Variants in KCNN2 observed in about 807,000 individuals in gnomAD.
KCNN2 encodes the protein potassium calcium-activated channel subfamily N member 2.
A neutral mutation model predicts 55.5 loss-of-function variants in KCNN2; 24 were observed. The observed-to-expected ratio is 0.43, with a 90% CI of 0.31 to 0.61. The LOEUF is 0.61. Among genes scored for constraint, KCNN2 ranks in the 20% least tolerant of loss-of-function variants. KCNN2 has a pLI of 0.08. For missense variants in KCNN2, 754 were observed against 853.6 expected (o/e 0.88, Z 1.45); for synonymous variants, 431 against 336.1 (o/e 1.28, Z -3.09).
intron 3 of KCNN2, among the ~76,000 whole-genome samples, chr5:114,408,139 C>T (rs954258185): frequency 6.6e-6 from 1 of 151,692 alleles, no homozygotes; most frequent in Admixed American, 6.6e-5. Flanking sequence ...ACCACTGTTG[C>T]CACAGAATTC....
chr5:114,168,379 CT>C (rs1752963151), intron 1 of KCNN2, among the ~76,000 whole-genome samples: 1 of 151,982 alleles, frequency 6.6e-6, no homozygotes, highest in Non-Finnish European at 1.5e-5. Context: ...CTAAAAGACG[CT>C]ACTTTATCTC....
At chr5:114,096,039 C>T (rs1751248981) in intron 1 of KCNN2, among the ~76,000 whole-genome samples, 2 of 152,070 alleles carry the variant, frequency 1.3e-5, no homozygotes, top group Admixed American at 6.6e-5. Context: ...ACCTTGAAGT[C>T]CCCTGGGGAC....
At chr5:114,494,330 A>G (rs1173086446) in intron 7 of KCNN2, among the ~76,000 whole-genome samples, 1 of 151,130 alleles carries the variant, frequency 6.6e-6, no homozygotes, top group Non-Finnish European at 1.5e-5. Flanking sequence ...AATTACAAGT[A>G]TTTGTCCTAG....
At chr5:114,466,667 C>A (rs79794196) in intron 4 of KCNN2, among the ~76,000 whole-genome samples, 438 of 151,790 alleles carry the variant, frequency 2.9e-3, no homozygotes, top group Non-Finnish European at 4.5e-3. Flanking sequence ...CTCTTGGTGG[C>A]CTTTTGACTA....
At position 114,362,147 on chromosome 5, in the gene KCNN2, C is replaced by T. The variant is rs997446476; in HGVS notation, c.8C>T (p.Thr3Ile). 1 of 166,902 alleles carries T rather than the reference C, an allele frequency of 6.0e-6. No individual in the cohort carries two copies. Among genetic ancestry groups the T allele is most frequent in the African/African-American group, 2.4e-5 (1 of 41,576 alleles). 10.3% of individuals were successfully genotyped at this position (166,902 alleles called of 1,614,324 possible). A position where few individuals can be genotyped will look rare whatever the true frequency, so the allele number is the denominator to read the frequency against. Reference protein sequence around the residue: METPLQFQRGFFP... With the variant: MEIPLQFQRGFFP... ...AGCTTTAACAGCCCTGACATGGAAACCCCATTGCAGTTCCAGCGCGGCTTC... is the reference window on the plus strand; with the variant it reads ...AGCTTTAACAGCCCTGACATGGAAATCCCATTGCAGTTCCAGCGCGGCTTC... The change falls in exon 1 of 8, where the codon ACC (threonine) becomes ATC (isoleucine). Residue 3 changes from threonine (T) to isoleucine (I), a missense_variant. Physicochemically the swap from Thr to Ile is moderately conservative, Grantham distance 89. This residue lies in a region of KCNN2 where 381 missense variants were observed against 259.1 expected (regional missense o/e 1.47). Coordinates refer to ENST00000673685, the MANE Select transcript of KCNN2 (RefSeq NM_021614.4).
intron 1 of KCNN2, among the ~76,000 whole-genome samples, chr5:114,187,271 A>G (rs1269352149): frequency 6.6e-6 from 1 of 152,020 alleles, no homozygotes; most frequent in Non-Finnish European, 1.5e-5. Context: ...AGTTAAAACT[A>G]GACGGAAAAA....
chr5:114,343,863 G>A (rs921959027), intron 2 of KCNN2, among the ~76,000 whole-genome samples: 2 of 152,172 alleles, frequency 1.3e-5, no homozygotes, highest in African/African-American at 4.8e-5. Context: ...TGTCTGATGG[G>A]CAGGGATGCC....
intron 2 of KCNN2, among the ~76,000 whole-genome samples, chr5:114,227,982 TGATGATGATGAC>T (rs1754272940): frequency 6.8e-6 from 1 of 146,462 alleles, no homozygotes; most frequent in Admixed American, 6.9e-5. Flanking sequence ...AAACAATGAT[TGATGATGATGAC>T]GATGATGATG....
intron 2 of KCNN2, among the ~76,000 whole-genome samples, chr5:114,349,493 A>AATTATGTG (rs1264829608): frequency 3.3e-5 from 5 of 152,070 alleles, no homozygotes; most frequent in African/African-American, 1.2e-4. Context: ...AACAAAAATG[A>AATTATGTG]ATTATGTGTT....
intron 1 of KCNN2, among the ~76,000 whole-genome samples, chr5:114,091,313 A>G (rs1751139538): frequency 6.6e-6 from 1 of 152,112 alleles, no homozygotes; most frequent in Admixed American, 6.6e-5. Flanking sequence ...GCACTTTCCT[A>G]CTGAAATCAA....
At chr5:114,408,714 A>C (rs767581271) in intron 3 of KCNN2, among the ~76,000 whole-genome samples, 1 of 152,228 alleles carries the variant, frequency 6.6e-6, no homozygotes, top group African/African-American at 2.4e-5. Flanking sequence ...TCTCTAGTGC[A>C]TCTGCTTCCA....
chr5:114,315,465 G>A (rs56405140), intron 2 of KCNN2, among the ~76,000 whole-genome samples: 21,364 of 67,718 alleles, frequency 0.32, 1,778 homozygotes, highest in African/African-American at 0.42. Context: ...GTGTGTGTGT[G>A]TATATATATA....
chr5:114,343,121 A>G (rs1040079601), intron 2 of KCNN2, among the ~76,000 whole-genome samples: 11 of 152,214 alleles, frequency 7.2e-5, no homozygotes, highest in African/African-American at 1.9e-4. Flanking sequence ...ATCAAATTCA[A>G]TAAGCCTTTA....
At chr5:114,475,913 A>G (rs1353827950) in intron 5 of KCNN2, among the ~76,000 whole-genome samples, 1 of 152,170 alleles carries the variant, frequency 6.6e-6, no homozygotes, top group Non-Finnish European at 1.5e-5. Flanking sequence ...CCTTTGGATA[A>G]TGTTGCCTGA....
intron 1 of KCNN2, among the ~76,000 whole-genome samples, chr5:114,157,872 T>G (rs1752672179): frequency 6.6e-6 from 1 of 151,888 alleles, no homozygotes; most frequent in Non-Finnish European, 1.5e-5. Context: ...CTTGTAAATT[T>G]GTTTGAGTTC....
At chr5:114,449,796 CTCAGAGGGGTGAAA>C (rs1760573722) in intron 3 of KCNN2, among the ~76,000 whole-genome samples, 1 of 151,724 alleles carries the variant, frequency 6.6e-6, no homozygotes, top group Non-Finnish European at 1.5e-5. Flanking sequence ...TCTTGAGAAT[CTCAGAGGGGTGAAA>C]TGTACAGATG....
At chr5:114,288,192 T>G (rs1291296744) in intron 2 of KCNN2, among the ~76,000 whole-genome samples, 1 of 152,232 alleles carries the variant, frequency 6.6e-6, no homozygotes, top group Non-Finnish European at 1.5e-5. Context: ...TTCCTTTTTA[T>G]GGAGTGAATA....
intron 1 of KCNN2, among the ~76,000 whole-genome samples, chr5:114,068,081 A>T (rs1332211094): frequency 6.6e-6 from 1 of 152,228 alleles, no homozygotes; most frequent in African/African-American, 2.4e-5. Context: ...GTCATGGTTG[A>T]TGATTAATTA....
intron 2 of KCNN2, among the ~76,000 whole-genome samples, chr5:114,276,582 A>T (rs533516397): frequency 6.6e-6 from 1 of 152,044 alleles, no homozygotes; most frequent in Non-Finnish European, 1.5e-5. Context: ...ACCATTATGT[A>T]ATGACCCTCT....
Sources: gnomAD v4.1 joint callset for allele counts (sites outside exome capture counted in the v4.1 genomes callset) on GRCh38, gnomAD v4.1.1 for gene constraint, gnomAD v4.1.1 regional missense constraint, MANE v1.5 for transcripts, NCBI Gene and HGNC (gene_info 2026-07-23, HGNC 2026-07-21) for gene names.